Variants in SLCO2A1 observed in about 807,000 individuals in gnomAD.
SLCO2A1 encodes matrin F/G 1.
In SLCO2A1, 60 loss-of-function variants were observed where a neutral mutation model predicts 71.7. The observed-to-expected ratio is 0.84, with a 90% CI of 0.68 to 1.04. SLCO2A1 has a LOEUF of 1.04. Among genes scored for constraint, SLCO2A1 ranks in the 50% least tolerant of loss-of-function variants. SLCO2A1 has a pLI of 0.00. For synonymous variants in SLCO2A1, 308 were observed against 326.7 expected, an observed-to-expected ratio of 0.94 and a Z score of 0.62; for missense variants, 745 against 813.4, an observed-to-expected ratio of 0.92 and a Z score of 1.02.
chr3:133,949,629 T>C (rs1933683708), intron 6 of SLCO2A1, among the ~76,000 whole-genome samples: 1 of 152,136 alleles, frequency 6.6e-6, no homozygotes, highest in East Asian at 1.9e-4. Flanking sequence ...TGGGAACTCA[T>C]CTCCAGGAAT....
At chr3:133,988,454 T>C (rs964375554) in intron 1 of SLCO2A1, among the ~76,000 whole-genome samples, 1 of 152,212 alleles carries the variant, frequency 6.6e-6, no homozygotes, top group African/African-American at 2.4e-5. Context: ...AACCAATGTA[T>C]TTCTTGAATG....
intron 1 of SLCO2A1, among the ~76,000 whole-genome samples, chr3:133,992,872 G>A (rs557698045): frequency 9.2e-5 from 14 of 152,210 alleles, no homozygotes; most frequent in Admixed American, 1.3e-4. Context: ...CAATCCGTTC[G>A]TGCAACCTTA....
chr3:134,010,547 T>A (rs1935313706), intron 1 of SLCO2A1, among the ~76,000 whole-genome samples: 3 of 151,922 alleles, frequency 2.0e-5, no homozygotes. Flanking sequence ...AGGTCAGGAC[T>A]TCAAGACCAG....
At chr3:134,029,100 G>T (rs935560755) in intron 1 of SLCO2A1, among the ~76,000 whole-genome samples, 1 of 152,204 alleles carries the variant, frequency 6.6e-6, no homozygotes, top group African/African-American at 2.4e-5. Flanking sequence ...CCAGCCTGGG[G>T]AAGCCGCCCG....
chr3:134,005,486 T>C (rs1235776551), intron 1 of SLCO2A1, among the ~76,000 whole-genome samples: 1 of 149,736 alleles, frequency 6.7e-6, no homozygotes, highest in African/African-American at 2.4e-5. Context: ...TTATAATTTT[T>C]TTTTTTTTTT....
rs111689995 is a variant in SLCO2A1 at position 133,991,272 on chromosome 3, G to A, written c.97-11654C>T. On this transcript the variant is annotated intron_variant, in intron 1 of 13. Transcript: ENST00000310926. ...GTCCCCAACCCCTAAAATGAAGGAA[G>A]CAAAGCAAGAGTCCAGTGCATTCTA... Among the ~76,000 whole-genome samples, 326 of 152,260 alleles carry A rather than the reference G, an allele frequency of 2.1e-3. 1 individual carries two copies. The highest frequency in any genetic ancestry group is 7.3e-3 in the African/African-American group (305 of 41,564).
At chr3:133,994,271 G>T (rs1192127774) in intron 1 of SLCO2A1, among the ~76,000 whole-genome samples, 1 of 152,190 alleles carries the variant, frequency 6.6e-6, no homozygotes, top group Admixed American at 6.5e-5. Context: ...TTTGTTTACA[G>T]TTGAGGCACT....
intron 1 of SLCO2A1, among the ~76,000 whole-genome samples, chr3:134,027,936 CAG>C (rs1935732033): frequency 6.6e-6 from 1 of 152,224 alleles, no homozygotes; most frequent in African/African-American, 2.4e-5. Context: ...TGATGACTAA[CAG>C]AATCTCATTT....
intron 2 of SLCO2A1, among the ~76,000 whole-genome samples, chr3:133,978,004 T>C (rs1397514240): frequency 6.6e-6 from 1 of 152,002 alleles, no homozygotes; most frequent in African/African-American, 2.4e-5. Context: ...GGCACACACA[T>C]AGGCCTGGAA....
intron 1 of SLCO2A1, among the ~76,000 whole-genome samples, chr3:134,008,511 G>T (rs7622317): frequency 0.019 from 2,944 of 152,194 alleles, 103 homozygotes; most frequent in African/African-American, 0.067. Flanking sequence ...ACCAACAACT[G>T]GGTGAAAACC....
intron 5 of SLCO2A1, among the ~76,000 whole-genome samples, chr3:133,952,859 C>A (rs1933781356): frequency 6.6e-6 from 1 of 152,092 alleles, no homozygotes; most frequent in South Asian, 2.1e-4. Context: ...GAGATGGAGC[C>A]AGGATGAGAC....
chr3:134,004,421 G>A (rs927371123), intron 1 of SLCO2A1, among the ~76,000 whole-genome samples: 16 of 152,134 alleles, frequency 1.1e-4, no homozygotes, highest in African/African-American at 3.6e-4. Context: ...TGCAACCTCC[G>A]CCTCGCAGGT....
intron 1 of SLCO2A1, among the ~76,000 whole-genome samples, chr3:133,991,671 G>T (rs998681685): frequency 6.6e-6 from 1 of 152,204 alleles, no homozygotes; most frequent in Admixed American, 6.5e-5. Context: ...CAGCTTCCTT[G>T]TTCCTTAAGA....
intron 2 of SLCO2A1, among the ~76,000 whole-genome samples, chr3:133,975,138 C>T (rs898415044): frequency 6.6e-6 from 1 of 152,142 alleles, no homozygotes; most frequent in African/African-American, 2.4e-5. Context: ...AGAGCTCTGC[C>T]CCTAAGTGTG....
chr3:134,021,316 G>A (rs1039015348), intron 1 of SLCO2A1, among the ~76,000 whole-genome samples: 22 of 152,294 alleles, frequency 1.4e-4, no homozygotes, highest in Admixed American at 6.5e-4. Flanking sequence ...GGAGTACTGT[G>A]ACACTAGGAA....
At chr3:133,959,319 A>G (rs1933974448) in intron 3 of SLCO2A1, among the ~76,000 whole-genome samples, 1 of 152,172 alleles carries the variant, frequency 6.6e-6, no homozygotes, top group East Asian at 1.9e-4. Flanking sequence ...AGAGCATCAA[A>G]AAAGCAACCG....
At chr3:133,949,506 C>G (rs1252808430) in intron 6 of SLCO2A1, among the ~76,000 whole-genome samples, 1 of 152,164 alleles carries the variant, frequency 6.6e-6, no homozygotes, top group African/African-American at 2.4e-5. Flanking sequence ...GTATACTACC[C>G]CAGGGAACCT....
In SLCO2A1 at chr3:134,001,120, CT is replaced by C. The variant is rs748857824; in HGVS notation, c.97-21503del. ...GGTGGGTCCACACAGAGTCTTTGGT[CT>C]TTTTTTTTTTTTCTGAGACAGAGTC... On this transcript the variant is annotated intron_variant, in intron 1 of 13. Transcript: ENST00000310926. Among the ~76,000 whole-genome samples, 1,322 of 144,964 alleles carry C rather than the reference CT, an allele frequency of 9.1e-3. 18 individuals carry two copies. The highest frequency in any genetic ancestry group is 0.027 in the African/African-American group (1,078 of 39,884).
chr3:134,008,502 CCAA>C lies in SLCO2A1; in HGVS notation c.96+21202_96+21204del, dbSNP rs150969928. Among the ~76,000 whole-genome samples, 156 of 152,338 alleles carry C rather than the reference CCAA, an allele frequency of 1.0e-3. 3 individuals are homozygous for C. In the East Asian group the frequency reaches 0.03, roughly 29 times the overall value. Reference sequence around the variant, plus strand: ...ACAGTGGATGGTCAATAAACTCTCACCAACAACTGGGTGAAAACCCACCCAAGA... The same window carrying C: ...ACAGTGGATGGTCAATAAACTCTCACCAACTGGGTGAAAACCCACCCAAGA... On this transcript the variant is annotated intron_variant, in intron 1 of 13. Coordinates refer to ENST00000310926, the MANE Select transcript of SLCO2A1 (RefSeq NM_005630.3).
Sources: gnomAD v4.1 joint callset for allele counts (sites outside exome capture counted in the v4.1 genomes callset) on GRCh38, gnomAD v4.1.1 for gene constraint, MANE v1.5 for transcripts, NCBI Gene and HGNC (gene_info 2026-07-23, HGNC 2026-07-21) for gene names.